Variants in HERC1 observed in about 807,000 individuals in gnomAD.
HERC1 encodes the protein probable E3 ubiquitin-protein ligase HERC1.
HERC1 carries 160 observed loss-of-function variants against 554.3 expected under a neutral mutation model. The ratio of observed to expected loss-of-function variants is 0.29; its 90% CI spans 0.25 to 0.33. HERC1 has a LOEUF of 0.33. Among genes scored for constraint, HERC1 ranks in the 10% least tolerant of loss-of-function variants. HERC1 has a pLI of 1.00. For synonymous variants in HERC1, 2,175 were observed against 2,131.7 expected (o/e 1.02, Z -0.56); for missense variants, 4,919 against 5,918.5 (o/e 0.83, Z 5.54).
At chr15:63,657,009 G>C (rs2070078291) in intron 48 of HERC1, among the ~76,000 whole-genome samples, 1 of 151,160 alleles carries the variant, frequency 6.6e-6, no homozygotes, top group African/African-American at 2.5e-5. Context: ...TGGTCTTTAG[G>C]GGGCACATAT....
At chr15:63,703,366 C>A (rs1280855567) in intron 25 of HERC1, among the ~76,000 whole-genome samples, 1 of 152,210 alleles carries the variant, frequency 6.6e-6, no homozygotes, top group African/African-American at 2.4e-5. Flanking sequence ...CAAGGAGGAG[C>A]CTTTGCAGGC....
At position 63,737,516 on chromosome 15, in the gene HERC1, G is replaced by GATAT. The variant is rs754808106; in HGVS notation, c.2521-2671_2521-2668dup. Among the ~76,000 whole-genome samples the GATAT allele has an allele frequency of 2.7e-3, 126 of 46,438 alleles. 22 individuals are homozygous for GATAT. The highest frequency in any genetic ancestry group is 0.016 in the East Asian group (12 of 728). 30.5% of individuals were successfully genotyped at this position (46,438 alleles called of 152,430 possible). ...TATACATATATATATCTTTTTTCCA[G>GATAT]ATATATATATATATATATATATATA... On this transcript the variant is annotated intron_variant, in intron 12 of 77. Coordinates refer to ENST00000443617, the MANE Select transcript of HERC1 (RefSeq NM_003922.4).
At chr15:63,788,565 C>T (rs2076527564) in intron 1 of HERC1, among the ~76,000 whole-genome samples, 1 of 152,122 alleles carries the variant, frequency 6.6e-6, no homozygotes, top group Admixed American at 6.6e-5. Context: ...AAAAGTACAG[C>T]TGTAATACTA....
intron 14 of HERC1, among the ~76,000 whole-genome samples, chr15:63,732,223 A>G (rs2074327950): frequency 6.6e-6 from 1 of 151,928 alleles, no homozygotes; most frequent in African/African-American, 2.4e-5. Flanking sequence ...CTGGTCTCAA[A>G]CTCCTGACCT....
At chr15:63,810,846 A>G (rs2077282745) in intron 1 of HERC1, among the ~76,000 whole-genome samples, 1 of 152,236 alleles carries the variant, frequency 6.6e-6, no homozygotes, top group Non-Finnish European at 1.5e-5. Context: ...TAAAGAAGGA[A>G]AATGGCACTG....
At chr15:63,774,108 A>C (rs2076040634) in intron 2 of HERC1, among the ~76,000 whole-genome samples, 1 of 152,172 alleles carries the variant, frequency 6.6e-6, no homozygotes, top group African/African-American at 2.4e-5. Context: ...ACATTAACTA[A>C]AACAGCAACT....
chr15:63,822,172 G>A (rs1226076800), intron 1 of HERC1, among the ~76,000 whole-genome samples: 1 of 152,182 alleles, frequency 6.6e-6, no homozygotes, highest in Admixed American at 6.5e-5. Flanking sequence ...CAGGGAATAC[G>A]GATAGTTCAA....
In HERC1 at chr15:63,659,823, C is replaced by T. The variant is rs1413755363; in HGVS notation, c.9337G>A (p.Val3113Ile). The T allele has an allele frequency of 6.2e-7, 1 of 1,613,910 alleles. No individual in the cohort carries two copies. Among genetic ancestry groups the T allele is most frequent in the East Asian group, 2.2e-5 (1 of 44,882 alleles). ...LNDRRIVPEP[V>I]QFPDSDPLGA... ...AGTGGATCGCTGTCAGGGAACTGAA[C>T]TGGTTCTGGTACAATGCGCCGGTCA... The change falls in exon 47 of 78, where the codon GTT becomes ATT. Residue 3113 changes from valine (V) to isoleucine (I), a missense_variant. By Grantham distance (29) the Val-to-Ile change is conservative. Around this residue, in one of 11 missense-constraint regions of HERC1, gnomAD observed 1,963 missense variants for 2,228.6 expected, o/e 0.88. Transcript: ENST00000443617.
intron 74 of HERC1, among the ~76,000 whole-genome samples, chr15:63,618,539 G>C (rs2067926038): frequency 6.6e-6 from 1 of 151,804 alleles, no homozygotes; most frequent in African/African-American, 2.4e-5. Flanking sequence ...ATTCTGTGAA[G>C]AAAGTCATTG....
At chr15:63,752,730 T>A in intron 8 of HERC1, 1 of 392,662 alleles carries the variant, frequency 2.5e-6, no homozygotes, top group Non-Finnish European at 4.6e-6. Context: ...GTCAGTTTAA[T>A]ACAAAGAACA....
intron 12 of HERC1, among the ~76,000 whole-genome samples, chr15:63,736,536 C>A (rs1340219225): frequency 2.6e-5 from 4 of 152,056 alleles, no homozygotes; most frequent in African/African-American, 7.2e-5. Context: ...CATCAATCTA[C>A]AATAAATTTG....
intron 36 of HERC1, among the ~76,000 whole-genome samples, chr15:63,679,840 G>A (rs764803520): frequency 1.3e-5 from 2 of 152,122 alleles, no homozygotes; most frequent in Non-Finnish European, 2.9e-5. Context: ...TAGTTCTTGT[G>A]ACTGCACGTT....
intron 1 of HERC1, among the ~76,000 whole-genome samples, chr15:63,777,031 G>T (rs1489324154): frequency 1.3e-5 from 2 of 152,034 alleles, no homozygotes; most frequent in Admixed American, 6.6e-5. Context: ...AATATTGCAG[G>T]GAAGGTGTCT....
intron 1 of HERC1, among the ~76,000 whole-genome samples, chr15:63,785,773 G>C (rs1287066110): frequency 1.3e-5 from 2 of 151,856 alleles, no homozygotes; most frequent in Non-Finnish European, 2.9e-5. Flanking sequence ...TCTAAATAAA[G>C]AAGGAAAGAA....
In HERC1 at chr15:63,680,227, C is replaced by G; in HGVS notation, c.6466-67G>C. ...AATTTTTTTAATTCACAATATCTAA[C>G]CACATTAGAATTGAAAGCTTTTATG... is the stretch of plus-strand genomic sequence containing the variant. On this transcript the variant is annotated intron_variant, in intron 35 of 77. Transcript: ENST00000443617. This position sits in a 1 kb window ranked among gnomAD's most constrained non-coding sequence, Gnocchi z 5.8. 1 of 1,197,124 alleles carries G rather than the reference C, an allele frequency of 8.4e-7. No individual in the cohort carries two copies. Among genetic ancestry groups the G allele is most frequent in the East Asian group, 2.3e-5 (1 of 42,602 alleles). The allele number at this position is 1,197,124 out of a possible 1,614,324, so 74.2% of individuals were successfully genotyped here. A position where few individuals can be genotyped will look rare whatever the true frequency, so the allele number is the denominator to read the frequency against.
chr15:63,743,668 C>T (rs1408615227), intron 12 of HERC1, among the ~76,000 whole-genome samples: 1 of 152,224 alleles, frequency 6.6e-6, no homozygotes, highest in Non-Finnish European at 1.5e-5. Flanking sequence ...TTGATTCTTT[C>T]AAATTATTTT....
chr15:63,747,620 C>T (rs953169323), intron 11 of HERC1, 104 bp downstream of exon 11: 8 of 630,164 alleles, frequency 1.3e-5, no homozygotes, highest in Non-Finnish European at 2.0e-5. Context: ...GGAAACCAAA[C>T]AAGAAAGAAC....
intron 33 of HERC1, among the ~76,000 whole-genome samples, chr15:63,687,918 C>T (rs1193752721): frequency 1.3e-5 from 2 of 152,146 alleles, no homozygotes; most frequent in African/African-American, 2.4e-5. Flanking sequence ...TCAAGAACTA[C>T]AAGAAGAAGG....
intron 18 of HERC1, 138 bp from the exon 19 acceptor site, chr15:63,723,493 T>C: frequency 1.6e-6 from 1 of 625,064 alleles, no homozygotes; most frequent in Admixed American, 3.2e-5. Flanking sequence ...GGTAAAGTCC[T>C]TTAATGTTTT....
Sources: allele counts gnomAD v4.1 joint callset (sites outside exome capture counted in the v4.1 genomes callset), GRCh38; gene constraint gnomAD v4.1.1; regional missense constraint gnomAD v4.1.1; non-coding constraint Gnocchi (gnomAD v3.1); transcripts MANE v1.5; gene names NCBI Gene and HGNC (gene_info 2026-07-23, HGNC 2026-07-21).